RPS6KA4: variants seen among roughly 807,000 people sequenced by gnomAD.
The protein encoded by RPS6KA4 is ribosomal protein S6 kinase alpha-4.
In RPS6KA4, 38 loss-of-function variants were observed where a neutral mutation model predicts 89.6. The ratio of observed to expected loss-of-function variants is 0.42; its 90% confidence interval spans 0.33 to 0.56. The LOEUF is 0.56. RPS6KA4 is among the 20% of genes least tolerant of loss of function. RPS6KA4 has a pLI of 0.07. For missense variants in RPS6KA4, 873 were observed against 1,098.8 expected (o/e 0.79, Z 2.90); for synonymous variants, 495 against 492.8 (o/e 1.00, Z -0.06).
chr11:64,369,514 G>T lies in RPS6KA4; in HGVS notation c.1497G>T (p.Arg499=). 1.2e-6 allele frequency: 2 copies of T among 1,609,848 alleles called. No homozygotes were observed. The highest frequency in any genetic ancestry group is 1.7e-6 in the Non-Finnish European group (2 of 1,178,828). ...GELLEHIRKK[R]HFSESEASQI... ...TGCTGGAGCACATCCGCAAGAAGCG[G>T]CACTTCAGCGAGTCGGAAGCAAGCC... Residue 499 remains arginine (R), a synonymous_variant, in exon 13 of 17, where the codon CGG becomes CGT. Transcript: ENST00000334205.
intron 4 of RPS6KA4, 134 bp from the exon 5 acceptor site, chr11:64,361,000 T>A: frequency 1.5e-6 from 1 of 649,784 alleles, no homozygotes; most frequent in South Asian, 2.0e-5. Context: ...ATTCAGTGGC[T>A]CTGCCCTGGA....
intron 9 of RPS6KA4, 90 bp downstream of exon 9, chr11:64,365,555 C>T (rs2036859264): frequency 7.1e-7 from 1 of 1,417,608 alleles, no homozygotes; most frequent in African/African-American, 1.4e-5. Flanking sequence ...ACTGCCTAGG[C>T]CTTGTGTCCT....
chr11:64,369,434 C>G lies in RPS6KA4; in HGVS notation c.1429-12C>G. ...GGTGGGTGTTGACCTTGGCCCGCCA[C>G]GCCGCCCGCAGCTGCACACGTACCT... On this transcript the variant is annotated splice_polypyrimidine_tract_variant and intron_variant, in intron 12 of 16. Transcript: ENST00000334205. 6.3e-7 allele frequency: 1 copy of G among 1,580,716 alleles called. No individual in the cohort carries two copies.
chr11:64,365,616 G>T (rs2036860844), intron 9 of RPS6KA4, 151 bp downstream of exon 9: 2 of 741,760 alleles, frequency 2.7e-6, no homozygotes, highest in Non-Finnish European at 4.3e-6. Flanking sequence ...TGGGACCTAG[G>T]GTTGTCAGTC....
rs2037082288 is a variant in RPS6KA4 at position 64,371,711 on chromosome 11, G to A, written c.*231G>A. 4.3e-6 allele frequency: 2 copies of A among 462,566 alleles called. No individual in the cohort carries two copies. The highest frequency in any genetic ancestry group is 3.8e-6 in the Non-Finnish European group (1 of 260,410). The allele number at this position is 462,566 out of a possible 1,614,324, so 28.7% of individuals were successfully genotyped here. On this transcript the variant is annotated 3_prime_UTR_variant, in exon 17 of 17. Transcript: ENST00000334205. ...GGCCTGCTGGGGAGTGGGGTTTGGG[G>A]GGCCCTCTCCCAGGACACTGCCTCT...
In RPS6KA4 at chr11:64,362,817, C is replaced by T. The variant is rs140468395; in HGVS notation, c.906+815C>T. ...TCCCAAGTAGCTGGGATTACAGGCACAGGCCACCACGACTGGCTAATTTTT... is the reference window on the plus strand; with the variant it reads ...TCCCAAGTAGCTGGGATTACAGGCATAGGCCACCACGACTGGCTAATTTTT... On this transcript the variant is annotated intron_variant, in intron 8 of 16. Coordinates refer to ENST00000334205, the MANE Select transcript of RPS6KA4 (RefSeq NM_003942.3). Among the ~76,000 whole-genome samples, 351 of 152,280 alleles carry T rather than the reference C, an allele frequency of 2.3e-3. 16 individuals are homozygous for T. The East Asian group carries it at 0.061, about 27-fold the overall frequency.
In RPS6KA4 at chr11:64,369,781, C is replaced by T; in HGVS notation, c.1685C>T (p.Pro562Leu). The change falls in exon 14 of 17, where the codon CCC becomes CTC. Residue 562 changes from proline to leucine, a missense_variant. Physicochemically the swap from Pro to Leu is moderately conservative, Grantham distance 98. Coordinates refer to ENST00000334205, the MANE Select transcript of RPS6KA4 (RefSeq NM_003942.3). ...FGFARLRPQSPGVPMQTPCFT... is the reference protein window; with the variant it reads ...FGFARLRPQSLGVPMQTPCFT... ...TTCGCGCGGTTGCGGCCGCAGAGTC[C>T]CGGGGTGCCCATGCAGACGCCCTGC... The T allele has an allele frequency of 6.2e-7, 1 of 1,610,970 alleles. No homozygotes were observed. The highest frequency in any genetic ancestry group is 1.3e-5 in the African/African-American group (1 of 75,024).
Position 64,370,487 on chromosome 11 carries a change from G to A in RPS6KA4, c.1958-76G>A. The A allele has an allele frequency of 2.5e-6, 4 of 1,600,570 alleles. No individual in the cohort carries two copies. The highest frequency in any genetic ancestry group is 4.5e-5 in the East Asian group (2 of 44,590). ...GGTTGGGGATGGGTAGGGGAGGAGA[G>A]TGGGGCTGTTACGATCTCTTTGGGG... On this transcript the variant is annotated intron_variant, in intron 15 of 16. Coordinates refer to ENST00000334205, the MANE Select transcript of RPS6KA4 (RefSeq NM_003942.3). The surrounding 1 kb of genome is among the most constrained non-coding windows in gnomAD (Gnocchi z 4.1).
intron 8 of RPS6KA4, among the ~76,000 whole-genome samples, chr11:64,364,028 A>G (rs1390925248): frequency 6.6e-6 from 1 of 152,202 alleles, no homozygotes; most frequent in Non-Finnish European, 1.5e-5. Context: ...ACTTATAAAT[A>G]AGTGGCTTAC....
At position 64,368,197 on chromosome 11, in the gene RPS6KA4, G is replaced by A; in HGVS notation, c.1137G>A (p.Leu379=). 1 of 1,613,768 alleles carries A rather than the reference G, an allele frequency of 6.2e-7. No individual in the cohort carries two copies. The highest frequency in any genetic ancestry group is 8.5e-7 in the Non-Finnish European group (1 of 1,180,038). ...ACAACGCGGTGATGACCGATGGGCT[G>A]GAAGCGCCTGGTGCTGGAGACCGGC... The part of the protein sequence containing the change: ...DHNNAVMTDG[L]EAPGAGDRPG... Residue 379 remains leucine, a synonymous_variant, in exon 10 of 17, where the codon CTG becomes CTA. Coordinates refer to ENST00000334205, the MANE Select transcript of RPS6KA4 (RefSeq NM_003942.3).
At position 64,370,239 on chromosome 11, in the gene RPS6KA4, G is replaced by C; in HGVS notation, c.1812G>C (p.Ser604=). 2 of 1,564,956 alleles carry C rather than the reference G, an allele frequency of 1.3e-6. No homozygotes were observed. The highest frequency in any genetic ancestry group is 8.6e-7 in the Non-Finnish European group (1 of 1,162,906). The part of the protein sequence containing the change: ...SLGVILYMML[S]GQVPFQGASG... ...CACCCTCCTAGTACATGATGCTGTC[G>C]GGGCAGGTCCCCTTCCAGGGGGCCT... The change falls in exon 15 of 17, where the codon TCG becomes TCC. Residue 604 remains serine, a synonymous_variant. Transcript: ENST00000334205. This position sits in a 1 kb window ranked among gnomAD's most constrained non-coding sequence, Gnocchi z 4.1.
intron 4 of RPS6KA4, among the ~76,000 whole-genome samples, 190 bp downstream of exon 4, chr11:64,360,782 CT>C (rs1237961553): frequency 2.6e-5 from 4 of 152,092 alleles, no homozygotes; most frequent in Non-Finnish European, 5.9e-5. Context: ...GTGGGGTCCC[CT>C]CCCCTGGCAC....
chr11:64,360,694 T>TG (rs2036721886), intron 4 of RPS6KA4, 102 bp downstream of exon 4: 1 of 1,010,104 alleles, frequency 9.9e-7, no homozygotes, highest in Non-Finnish European at 1.5e-6. Flanking sequence ...CTGGGCTTCC[T>TG]GGGGGGCCAG....
intron 12 of RPS6KA4, 45 bp downstream of exon 12, chr11:64,368,842 C>CGGGG: frequency 1.3e-6 from 1 of 779,604 alleles, no homozygotes; most frequent in Non-Finnish European, 1.8e-6. Flanking sequence ...AAGGGGCAGG[C>CGGGG]GGCGGGGCTT....
rs1230729612 is a variant in RPS6KA4, at chr11:64,371,611, C to G, written c.*131C>G. The G allele has an allele frequency of 1.1e-5, 6 of 567,784 alleles. No homozygotes were observed. The African/African-American group carries it at 1.2e-4, about 11-fold the overall frequency. The allele number at this position is 567,784 out of a possible 1,614,324, so 35.2% of individuals were successfully genotyped here. A position where few individuals can be genotyped will look rare whatever the true frequency, so the allele number is the denominator to read the frequency against. On this transcript the variant is annotated 3_prime_UTR_variant, in exon 17 of 17. Coordinates refer to ENST00000334205, the MANE Select transcript of RPS6KA4 (RefSeq NM_003942.3). ...CTTTCCTCTCCTACCCCACCCCACT[C>G]CCAGACAGAGCAGAAGTATTTTTAT...
In RPS6KA4 at chr11:64,359,494, CCT is replaced by C. The variant is rs780700542; in HGVS notation, c.127+46_127+47del. 6 of 1,595,064 alleles carry C rather than the reference CCT, an allele frequency of 3.8e-6. No homozygotes were observed. The African/African-American group carries it at 6.7e-5, about 18-fold the overall frequency. On this transcript the variant is annotated intron_variant, in intron 2 of 16. Transcript: ENST00000334205. Reference sequence around the variant, plus strand: ...GGGCAGGCGTCCCAGGCGCGGTGCCCCTGACCTCCTGCCTGCTCACTCTTGGG... The same window carrying C: ...GGGCAGGCGTCCCAGGCGCGGTGCCCGACCTCCTGCCTGCTCACTCTTGGG...
At chr11:64,367,274 T>C (rs1004105434) in intron 9 of RPS6KA4, among the ~76,000 whole-genome samples, 4 of 151,994 alleles carry the variant, frequency 2.6e-5, no homozygotes, top group African/African-American at 9.7e-5. Context: ...GCCTGCCCAA[T>C]AGCTAGGACT....
At chr11:64,366,318 G>A (rs1170602251) in intron 9 of RPS6KA4, among the ~76,000 whole-genome samples, 2 of 152,086 alleles carry the variant, frequency 1.3e-5, no homozygotes, top group African/African-American at 4.8e-5. Flanking sequence ...CTACAGGCGT[G>A]CGCCACCACA....
chr11:64,363,601 C>T (rs2135332237), intron 8 of RPS6KA4, among the ~76,000 whole-genome samples: 1 of 152,206 alleles, frequency 6.6e-6, no homozygotes, highest in Non-Finnish European at 1.5e-5. Flanking sequence ...AAGTGATTCT[C>T]CTGCCTCAGC....
Sources: gnomAD v4.1 joint callset for allele counts (sites outside exome capture counted in the v4.1 genomes callset) on GRCh38, gnomAD v4.1.1 for gene constraint, Gnocchi (gnomAD v3.1) non-coding constraint, MANE v1.5 for transcripts, NCBI Gene and HGNC (gene_info 2026-07-23, HGNC 2026-07-21) for gene names.